TBC1D26: variants seen among roughly 807,000 people sequenced by gnomAD.
TBC1D26 encodes the protein TBC1 domain family, member 26.
A neutral mutation model predicts 42.5 loss-of-function variants in TBC1D26; 19 were observed. The ratio of observed to expected loss-of-function variants is 0.45; its 90% confidence interval spans 0.31 to 0.66. The LOEUF is 0.66. Among genes scored for constraint, TBC1D26 ranks in the 30% least tolerant of loss-of-function variants. The pLI, the probability that TBC1D26 is intolerant of heterozygous loss-of-function variation, is 0.06. For missense variants in TBC1D26, 228 were observed against 332.6 expected (o/e 0.69, Z 2.45); for synonymous variants, 97 against 123.5 (o/e 0.79, Z 1.42).
rs535479207 is a variant in TBC1D26, at chr17:15,741,406, G to A, written c.646+185G>A. The A allele has an allele frequency of 4.8e-4, 491 of 1,029,048 alleles. 1 individual carries two copies. The highest frequency in any genetic ancestry group is 1.3e-3 in the Middle Eastern group (4 of 3,080). 63.7% of individuals were successfully genotyped at this position (1,029,048 alleles called of 1,614,324 possible). A position where few individuals can be genotyped will look rare whatever the true frequency, so the allele number is the denominator to read the frequency against. On this transcript the variant is annotated intron_variant, in intron 10 of 14. Transcript: ENST00000437605. ...CCTACAGCAGCCTGGGTCTGGACAG[G>A]AACCCCCTCACCTCAAGTCAGACGG... is the stretch of plus-strand genomic sequence containing the variant.
At chr17:15,742,119 G>C (rs1967804600) in intron 11 of TBC1D26, 83 bp downstream of exon 11, 3 of 1,192,866 alleles carry the variant, frequency 2.5e-6, no homozygotes, top group Non-Finnish European at 3.6e-6. Flanking sequence ...CATGGGGCTG[G>C]CAAGAGGCTG....
intron 4 of TBC1D26, among the ~76,000 whole-genome samples, chr17:15,736,870 C>T (rs1351549887): frequency 1.3e-5 from 2 of 152,272 alleles, no homozygotes. Flanking sequence ...CACAGAAGGG[C>T]CAGGGTGGCC....
At chr17:15,740,170 T>C in intron 9 of TBC1D26, 22 bp downstream of exon 9, 6 of 1,614,212 alleles carry the variant, frequency 3.7e-6, no homozygotes, top group South Asian at 1.1e-5. Flanking sequence ...CGGGCAGCGA[T>C]ATTCCTGGGA....
intron 13 of TBC1D26, among the ~76,000 whole-genome samples, 169 bp from the exon 14 acceptor site, chr17:15,743,198 C>T (rs753739110): frequency 1.3e-5 from 2 of 152,100 alleles, no homozygotes; most frequent in Non-Finnish European, 2.9e-5. Context: ...GTGGTGAGCA[C>T]TTCCCTGCCC....
At chr17:15,741,639 C>T in intron 10 of TBC1D26, 1 of 495,652 alleles carries the variant, frequency 2.0e-6, no homozygotes, top group South Asian at 2.5e-5. Flanking sequence ...GTCCCCCAGC[C>T]TGACCCCCAC....
chr17:15,742,058 C>T (rs753836103), intron 11 of TBC1D26, 22 bp downstream of exon 11: 2 of 1,607,466 alleles, frequency 1.2e-6, no homozygotes, highest in Non-Finnish European at 1.7e-6. Context: ...ACACCCTCAG[C>T]TCCTAACCAG....
At chr17:15,741,608 G>A (rs1967782861) in intron 10 of TBC1D26, 8 of 472,432 alleles carry the variant, frequency 1.7e-5, no homozygotes, top group South Asian at 1.3e-4. Context: ...AAGCCAAGAT[G>A]GAAGTGTCTG....
At chr17:15,738,513 G>A (rs531956234) in intron 7 of TBC1D26, 126 bp downstream of exon 7, 280 of 1,330,126 alleles carry the variant, frequency 2.1e-4, no homozygotes, top group Non-Finnish European at 2.7e-4. Flanking sequence ...CGCACATCCT[G>A]GGCATAGATG....
At chr17:15,743,834 G>C (rs1195980138) in intron 14 of TBC1D26, 1 of 152,392 alleles carries the variant, frequency 6.6e-6, no homozygotes, top group African/African-American at 2.4e-5. Context: ...GCAGGCGCCT[G>C]TAGTCCCCAG....
At chr17:15,740,779 A>G in intron 9 of TBC1D26, 1 of 945,492 alleles carries the variant, frequency 1.1e-6, no homozygotes, top group Non-Finnish European at 1.3e-6. Flanking sequence ...CCCTCGTGGC[A>G]GGTGCAGTTC....
chr17:15,738,477 G>C, intron 7 of TBC1D26, 90 bp downstream of exon 7: 1 of 1,496,460 alleles, frequency 6.7e-7, no homozygotes, highest in Non-Finnish European at 9.2e-7. Flanking sequence ...GTTGAGCCTG[G>C]GTTGGGAGTG....
intron 4 of TBC1D26, among the ~76,000 whole-genome samples, chr17:15,736,297 C>A (rs532228236): frequency 1.3e-4 from 20 of 152,390 alleles, no homozygotes; most frequent in African/African-American, 4.6e-4. Context: ...GAAGCCGGCC[C>A]CTCAGGACTC....
At position 15,738,084 on chromosome 17, in the gene TBC1D26, T is replaced by C. The variant is rs1967668878; in HGVS notation, c.279+7T>C. 4.3e-6 allele frequency: 7 copies of C among 1,613,920 alleles called. No homozygotes were observed. Among genetic ancestry groups the C allele is most frequent in the East Asian group, 2.2e-5 (1 of 44,864 alleles). ...ATATAGGAGCACCAAGAAGGTAACA[T>C]GGGGAGGAAGTGGCCCGCGTGACTG... On this transcript the variant is annotated splice_region_variant and intron_variant, in intron 6 of 14. Coordinates refer to ENST00000437605, the MANE Select transcript of TBC1D26 (RefSeq NM_001388465.1).
intron 14 of TBC1D26, 95 bp downstream of exon 14, chr17:15,743,611 C>A: frequency 3.3e-6 from 1 of 302,700 alleles, no homozygotes; most frequent in African/African-American, 2.2e-5. Context: ...ACCTGGTCTT[C>A]CTCCTGCACC....
intron 9 of TBC1D26, chr17:15,740,794 G>T (rs1967756225): frequency 3.5e-6 from 3 of 859,646 alleles, no homozygotes; most frequent in Non-Finnish European, 4.6e-6. Context: ...CAGTTCACAG[G>T]TGCTGCCCCA....
At chr17:15,743,282 T>C (rs1397299222) in intron 13 of TBC1D26, 85 bp from the exon 14 acceptor site, 2 of 724,234 alleles carry the variant, frequency 2.8e-6, no homozygotes, top group Non-Finnish European at 3.4e-6. Flanking sequence ...CACCACCCAG[T>C]GGGAGGTGGG....
intron 11 of TBC1D26, 66 bp from the exon 12 acceptor site, chr17:15,742,348 G>A (rs1419352291): frequency 4.7e-6 from 2 of 422,802 alleles, no homozygotes; most frequent in African/African-American, 2.0e-5. Context: ...TCTGCAGAGG[G>A]GCCTGGAAGT....
chr17:15,743,487 CA>C lies in TBC1D26; in HGVS notation c.1035del (p.Lys345AsnfsTer20). 5 of 994,308 alleles carry C rather than the reference CA, an allele frequency of 5.0e-6. No homozygotes were observed. Among genetic ancestry groups the C allele is most frequent in the East Asian group, 1.1e-4 (1 of 9,450 alleles). The allele number at this position is 994,308 out of a possible 1,614,324, so 61.6% of individuals were successfully genotyped here. A position where few individuals can be genotyped will look rare whatever the true frequency, so the allele number is the denominator to read the frequency against. ...RNLQTSMKEL[T>X]KKHWDLPPPG... ...CTTCAAACCTCTATGAAGGAACTCA[CA>C]AAAAAACACTGGGACCTGCCACCCC... On this transcript the variant is annotated frameshift_variant, in exon 14 of 15. Transcript: ENST00000437605. LOFTEE classifies it high-confidence loss of function.
At chr17:15,737,382 A>G in intron 4 of TBC1D26, 102 bp from the exon 5 acceptor site, 4 of 1,396,466 alleles carry the variant, frequency 2.9e-6, no homozygotes, top group Non-Finnish European at 3.9e-6. Context: ...GCTGAGACTT[A>G]GGGTGGATGG....
Sources: allele counts gnomAD v4.1 joint callset (sites outside exome capture counted in the v4.1 genomes callset), GRCh38; gene constraint gnomAD v4.1.1; transcripts MANE v1.5; gene names NCBI Gene and HGNC (gene_info 2026-07-23, HGNC 2026-07-21).